Variants in PTPRO observed in about 807,000 individuals in gnomAD.
PTPRO encodes receptor-type tyrosine-protein phosphatase O.
A neutral mutation model predicts 145.2 loss-of-function variants in PTPRO; 62 were observed. The ratio of observed to expected loss-of-function variants is 0.43; its 90% confidence interval spans 0.35 to 0.53. The LOEUF (loss-of-function observed/expected upper bound fraction) is 0.53. Among genes scored for constraint, PTPRO ranks in the 20% least tolerant of loss-of-function variants. PTPRO has a pLI of 0.01. For synonymous variants in PTPRO, 565 were observed against 514.7 expected, an observed-to-expected ratio of 1.10 and a Z score of -1.32; for missense variants, 1,345 against 1,482.7, an observed-to-expected ratio of 0.91 and a Z score of 1.53.
intron 1 of PTPRO, among the ~76,000 whole-genome samples, chr12:15,474,737 C>G (rs1241142085): frequency 6.6e-6 from 1 of 152,178 alleles, no homozygotes; most frequent in African/African-American, 2.4e-5. Context: ...TTTATCAGAT[C>G]AGTTTCTATT....
At chr12:15,343,133 T>C (rs564960175) in intron 1 of PTPRO, among the ~76,000 whole-genome samples, 5 of 152,302 alleles carry the variant, frequency 3.3e-5, no homozygotes, top group South Asian at 4.1e-4. Context: ...TACAGGAAGA[T>C]GAAAAACATA....
intron 1 of PTPRO, among the ~76,000 whole-genome samples, chr12:15,387,841 T>C (rs1417640202): frequency 3.3e-5 from 5 of 152,206 alleles, no homozygotes; most frequent in African/African-American, 1.2e-4. Context: ...CAAAAGTGTA[T>C]CTTCCCAATG....
chr12:15,334,727 T>G (rs531075758), intron 1 of PTPRO, among the ~76,000 whole-genome samples: 1 of 152,250 alleles, frequency 6.6e-6, no homozygotes, highest in South Asian at 2.1e-4. Context: ...GTGATCAAAT[T>G]ATTTACACTC....
At chr12:15,373,148 A>G (rs1478893796) in intron 1 of PTPRO, among the ~76,000 whole-genome samples, 1 of 152,236 alleles carries the variant, frequency 6.6e-6, no homozygotes, top group African/African-American at 2.4e-5. Context: ...ATTTAGAGCC[A>G]TAACTAAAAT....
Position 15,331,952 on chromosome 12 carries a change from CTCTT to C in PTPRO, c.75+9161_75+9164del, listed in dbSNP as rs1307905672. On this transcript the variant is annotated intron_variant, in intron 1 of 26. Transcript: ENST00000281171. The stretch of plus-strand genomic sequence containing the variant: ...TTTGATTATAGTATCCTTTTTGTTT[CTCTT>C]TCTTTCTTTTTTTTTTTTTTTTTTT... Among the ~76,000 whole-genome samples, 87 of 144,022 alleles carry C rather than the reference CTCTT, an allele frequency of 6.0e-4. 1 individual carries two copies. The highest frequency in any genetic ancestry group is 8.6e-4 in the Non-Finnish European group (57 of 66,018). 94.5% of individuals were successfully genotyped at this position (144,022 alleles called of 152,430 possible).
intron 1 of PTPRO, among the ~76,000 whole-genome samples, chr12:15,343,712 G>T (rs1867090334): frequency 6.6e-6 from 1 of 152,100 alleles, no homozygotes; most frequent in African/African-American, 2.4e-5. Flanking sequence ...TATATTTTTT[G>T]AGACAGAGTC....
At chr12:15,555,752 G>C (rs561543021) in intron 15 of PTPRO, among the ~76,000 whole-genome samples, 50 of 152,104 alleles carry the variant, frequency 3.3e-4, no homozygotes, top group African/African-American at 1.2e-3. Context: ...GATCCTTTTT[G>C]GCAGTCTGGT....
At chr12:15,498,782 A>G (rs565602544) in intron 3 of PTPRO, among the ~76,000 whole-genome samples, 1 of 152,328 alleles carries the variant, frequency 6.6e-6, no homozygotes, top group African/African-American at 2.4e-5. Context: ...GTTAACAATC[A>G]TAAATTTTAA....
Position 15,500,752 on chromosome 12 carries a change from T to C in PTPRO, c.662-868T>C, listed in dbSNP as rs3790005. Reference sequence around the variant, plus strand: ...GCCTAGCCAACGTGGTGAAACCCCATCTCTACTAAGAATACAAATATTAGC... The same window carrying C: ...GCCTAGCCAACGTGGTGAAACCCCACCTCTACTAAGAATACAAATATTAGC... On this transcript the variant is annotated intron_variant, in intron 4 of 26. Transcript: ENST00000281171. Among the ~76,000 whole-genome samples, 787 of 152,138 alleles carry C rather than the reference T, an allele frequency of 5.2e-3. 55 individuals are homozygous for C. The East Asian group carries it at 0.14, about 26-fold the overall frequency.
intron 1 of PTPRO, among the ~76,000 whole-genome samples, chr12:15,432,749 A>C (rs540000352): frequency 6.6e-6 from 1 of 152,330 alleles, no homozygotes; most frequent in East Asian, 1.9e-4. Flanking sequence ...TTCTCTAATA[A>C]TCAGTGATGC....
chr12:15,562,766 A>G (rs921026368), intron 17 of PTPRO, among the ~76,000 whole-genome samples: 2 of 151,038 alleles, frequency 1.3e-5, no homozygotes, highest in Admixed American at 6.6e-5. Context: ...TACTGCCATA[A>G]TGACCCTCAT....
chr12:15,579,867 T>C (rs1473745712), intron 20 of PTPRO, among the ~76,000 whole-genome samples, 172 bp from the exon 21 acceptor site: 2 of 152,208 alleles, frequency 1.3e-5, no homozygotes, highest in African/African-American at 4.8e-5. Context: ...GATATTCACT[T>C]ATTTATTTAA....
intron 1 of PTPRO, among the ~76,000 whole-genome samples, chr12:15,443,174 T>C (rs1373108795): frequency 6.6e-6 from 1 of 152,080 alleles, no homozygotes; most frequent in Non-Finnish European, 1.5e-5. Context: ...GCCTATGCCA[T>C]CTGATGTGTA....
intron 1 of PTPRO, among the ~76,000 whole-genome samples, chr12:15,461,046 C>A (rs1355525998): frequency 1.3e-5 from 2 of 152,166 alleles, no homozygotes; most frequent in African/African-American, 4.8e-5. Context: ...AGACATGCCT[C>A]ACTCTACCTC....
At chr12:15,545,762 G>A (rs570368977) in intron 12 of PTPRO, among the ~76,000 whole-genome samples, 29 of 151,842 alleles carry the variant, frequency 1.9e-4, no homozygotes, top group Admixed American at 2.0e-4. Flanking sequence ...AGCCAGGCAC[G>A]GTGGCTCACA....
intron 12 of PTPRO, among the ~76,000 whole-genome samples, chr12:15,534,626 C>G (rs915602259): frequency 6.6e-6 from 1 of 152,002 alleles, no homozygotes; most frequent in African/African-American, 2.4e-5. Flanking sequence ...GTCTGAATAA[C>G]AAGAAGAACC....
intron 1 of PTPRO, among the ~76,000 whole-genome samples, chr12:15,325,846 T>C (rs544783297): frequency 6.6e-6 from 1 of 152,346 alleles, no homozygotes; most frequent in Admixed American, 6.5e-5. Context: ...TGTTGCTTTT[T>C]AGTAGTCAGC....
intron 12 of PTPRO, among the ~76,000 whole-genome samples, chr12:15,538,662 A>T (rs911721933): frequency 6.6e-6 from 1 of 152,222 alleles, no homozygotes; most frequent in Non-Finnish European, 1.5e-5. Context: ...TCTGGCATTG[A>T]CCTAAATACA....
At chr12:15,417,019 A>G (rs1179854420) in intron 1 of PTPRO, among the ~76,000 whole-genome samples, 4 of 151,728 alleles carry the variant, frequency 2.6e-5, no homozygotes, top group African/African-American at 9.8e-5. Flanking sequence ...TATTATTCAC[A>G]TGACATTATT....
Sources: gnomAD v4.1 joint callset for allele counts (sites outside exome capture counted in the v4.1 genomes callset) on GRCh38, gnomAD v4.1.1 for gene constraint, MANE v1.5 for transcripts, NCBI Gene and HGNC (gene_info 2026-07-23, HGNC 2026-07-21) for gene names.